The following SNAPC1 variants were observed in gnomAD, a reference collection of about 807,000 sequenced individuals.
SNAPC1 encodes the protein snRNA-activating protein complex subunit 1.
SNAPC1 carries 42 observed loss-of-function variants against 50.1 expected under a neutral mutation model. That is an observed-to-expected ratio of 0.84 (90% CI 0.65 to 1.08). SNAPC1 has a LOEUF of 1.08. SNAPC1 is among the 50% of genes least tolerant of loss of function. SNAPC1 has a pLI of 0.00. For missense variants in SNAPC1, 477 were observed against 427.3 expected, an observed-to-expected ratio of 1.12 and a Z score of -1.02; for synonymous variants, 164 against 144.2, an observed-to-expected ratio of 1.14 and a Z score of -0.98.
intron 7 of SNAPC1, among the ~76,000 whole-genome samples, chr14:61,780,174 G>A (rs574113698): frequency 6.5e-4 from 99 of 152,264 alleles, no homozygotes; most frequent in African/African-American, 2.4e-3. Flanking sequence ...GAGGAGGGTG[G>A]GAAATAAGCC....
chr14:61,792,192 T>G (rs2045157127), intron 8 of SNAPC1, among the ~76,000 whole-genome samples: 1 of 152,114 alleles, frequency 6.6e-6, no homozygotes, highest in African/African-American at 2.4e-5. Context: ...AGTCACTGTT[T>G]ATGGGGGTTG....
chr14:61,791,613 T>G (rs10132548), intron 8 of SNAPC1, among the ~76,000 whole-genome samples: 8 of 151,898 alleles, frequency 5.3e-5, no homozygotes, highest in Non-Finnish European at 1.2e-4. Context: ...TTTGGGAGGT[T>G]GAGGCAGGTG....
intron 4 of SNAPC1, among the ~76,000 whole-genome samples, chr14:61,774,494 C>T (rs1406331585): frequency 3.9e-5 from 6 of 152,132 alleles, no homozygotes; most frequent in African/African-American, 1.4e-4. Flanking sequence ...TTAGATCTGA[C>T]TGGTGGTCTT....
At chr14:61,792,950 C>A in intron 9 of SNAPC1, 48 bp downstream of exon 9, 3 of 904,508 alleles carry the variant, frequency 3.3e-6, no homozygotes, top group South Asian at 3.0e-5. Context: ...AACTTATACT[C>A]GTAGAGCATC....
intron 9 of SNAPC1, among the ~76,000 whole-genome samples, chr14:61,793,803 C>G (rs1388981180): frequency 4.6e-5 from 7 of 151,710 alleles, no homozygotes; most frequent in Admixed American, 4.6e-4. Context: ...ATTACAGGCA[C>G]TCACCATCAT....
At chr14:61,762,681 T>C in intron 1 of SNAPC1, 93 bp downstream of exon 1, 2 of 1,459,648 alleles carry the variant, frequency 1.4e-6, no homozygotes, top group East Asian at 4.6e-5. Flanking sequence ...TGTGAAGGGC[T>C]GAGAAGAGCG....
chr14:61,779,053 C>T (rs1267811523), intron 7 of SNAPC1, 143 bp downstream of exon 7: 6 of 536,408 alleles, frequency 1.1e-5, no homozygotes, highest in South Asian at 8.8e-5. Flanking sequence ...CAGTCCCCTT[C>T]TCTGCCACTT....
chr14:61,764,059 C>T (rs1478732585), intron 1 of SNAPC1, among the ~76,000 whole-genome samples: 2 of 152,106 alleles, frequency 1.3e-5, no homozygotes, highest in African/African-American at 2.4e-5. Flanking sequence ...CTCAGCCTCC[C>T]GAGTAGCTGG....
At chr14:61,771,106 C>A (rs1465824920) in intron 4 of SNAPC1, among the ~76,000 whole-genome samples, 1 of 152,056 alleles carries the variant, frequency 6.6e-6, no homozygotes, top group Non-Finnish European at 1.5e-5. Context: ...GTGTTCATGT[C>A]CCCCAAAAAG....
chr14:61,788,253 G>C lies in SNAPC1; in HGVS notation c.977-4554G>C, dbSNP rs77018831. Among the ~76,000 whole-genome samples, 1,290 of 152,300 alleles carry C rather than the reference G, an allele frequency of 8.5e-3. 18 individuals carry two copies. The highest frequency in any genetic ancestry group is 0.029 in the African/African-American group (1,215 of 41,552). On this transcript the variant is annotated intron_variant, in intron 8 of 9. Coordinates refer to ENST00000216294, the MANE Select transcript of SNAPC1 (RefSeq NM_003082.4). ...TCTCCATCATGGCTTAACTAATCCAGCTAAGGTATTGTAAATACTCTGAAG... is the reference window on the plus strand; with the variant it reads ...TCTCCATCATGGCTTAACTAATCCACCTAAGGTATTGTAAATACTCTGAAG...
chr14:61,764,487 A>C (rs2044932625), intron 1 of SNAPC1, among the ~76,000 whole-genome samples: 1 of 152,028 alleles, frequency 6.6e-6, no homozygotes. Context: ...TTATAGCTTT[A>C]TTTATTGCAT....
chr14:61,766,459 T>TA (rs1321746925), intron 1 of SNAPC1, among the ~76,000 whole-genome samples: 8 of 152,136 alleles, frequency 5.3e-5, no homozygotes, highest in Non-Finnish European at 1.0e-4. Context: ...GTGCAGAAAG[T>TA]AAAAAAATGG....
At chr14:61,776,663 A>C (rs537139678) in intron 5 of SNAPC1, among the ~76,000 whole-genome samples, 1 of 152,294 alleles carries the variant, frequency 6.6e-6, no homozygotes, top group East Asian at 1.9e-4. Flanking sequence ...TGTGAACTTC[A>C]CCTAAAATTC....
chr14:61,792,948 C>T (rs755647378), intron 9 of SNAPC1, 46 bp downstream of exon 9: 2 of 923,756 alleles, frequency 2.2e-6, no homozygotes, highest in East Asian at 2.5e-5. Flanking sequence ...CTAACTTATA[C>T]TCGTAGAGCA....
Position 61,792,832 on chromosome 14 carries a change from A to C in SNAPC1, c.1002A>C (p.Glu334Asp). 6.3e-7 allele frequency: 1 copy of C among 1,591,962 alleles called. No individual in the cohort carries two copies. The highest frequency in any genetic ancestry group is 8.6e-7 in the Non-Finnish European group (1 of 1,164,176). ...GCAATGTGCAGAATATACACAAGGA[A>C]GATAAACCTTTAAGTCTGAGTATGC... ...NKGNVQNIHK[E>D]DKPLSLSMPV... The change falls in exon 9 of 10, where the codon GAA (glutamate) becomes GAC (aspartate). Residue 334 changes from glutamate to aspartate, a missense_variant. Physicochemically the swap from Glu to Asp is conservative, Grantham distance 45. Coordinates refer to ENST00000216294, the MANE Select transcript of SNAPC1 (RefSeq NM_003082.4).
At position 61,791,369 on chromosome 14, in the gene SNAPC1, C is replaced by T. The variant is rs372895793; in HGVS notation, c.977-1438C>T. On this transcript the variant is annotated intron_variant, in intron 8 of 9. Transcript: ENST00000216294. ...CTATCTTTCTCAAATATATTGCATTCTCTTTTATATGTTTCCTTTTTTCTA... is the reference window on the plus strand; with the variant it reads ...CTATCTTTCTCAAATATATTGCATTTTCTTTTATATGTTTCCTTTTTTCTA... Among the ~76,000 whole-genome samples, 17 of 152,192 alleles carry T rather than the reference C, an allele frequency of 1.1e-4. 1 individual carries two copies. Among genetic ancestry groups the T allele is most frequent in the African/African-American group, 4.1e-4 (17 of 41,526 alleles).
chr14:61,778,180 T>C (rs754874818), intron 6 of SNAPC1, 40 bp downstream of exon 6: 5 of 1,176,178 alleles, frequency 4.3e-6, no homozygotes, highest in Non-Finnish European at 5.0e-6. Context: ...GTGGCTGTGA[T>C]TCTGTATACT....
At chr14:61,768,120 T>G (rs529149431) in intron 3 of SNAPC1, among the ~76,000 whole-genome samples, 9 of 152,368 alleles carry the variant, frequency 5.9e-5, no homozygotes, top group Admixed American at 1.3e-4. Flanking sequence ...TTCTAATTAC[T>G]ACTTTTTTTT....
chr14:61,765,718 A>G (rs1166965035), intron 1 of SNAPC1, among the ~76,000 whole-genome samples: 1 of 152,188 alleles, frequency 6.6e-6, no homozygotes, highest in Non-Finnish European at 1.5e-5. Flanking sequence ...TTGGGTGCCC[A>G]AGATACTTTC....
Sources: gnomAD v4.1 joint callset for allele counts (sites outside exome capture counted in the v4.1 genomes callset) on GRCh38, gnomAD v4.1.1 for gene constraint, MANE v1.5 for transcripts, NCBI Gene and HGNC (gene_info 2026-07-23, HGNC 2026-07-21) for gene names.